KAT2B: variants seen among roughly 807,000 people sequenced by gnomAD.
KAT2B encodes the protein histone acetyltransferase KAT2B.
A neutral mutation model predicts 105.9 loss-of-function variants in KAT2B; 36 were observed. The ratio of observed to expected loss-of-function variants is 0.34; its 90% CI spans 0.26 to 0.45. The LOEUF is 0.45. Among genes scored for constraint, KAT2B ranks in the 20% least tolerant of loss-of-function variants. KAT2B has a pLI of 1.00. For synonymous variants in KAT2B, 397 were observed against 377.9 expected, an observed-to-expected ratio of 1.05 and a Z score of -0.59; for missense variants, 820 against 1,021.6, an observed-to-expected ratio of 0.80 and a Z score of 2.69.
chr3:20,122,766 T>C lies in KAT2B; in HGVS notation c.1375T>C (p.Ser459Pro), dbSNP rs575172601. ...GATGGAATTAATCAACGAGGTTATG[T>C]CTACCATCACGGACCCTGCAGCAAT... The part of the protein sequence containing the change: ...IPMELINEVM[S>P]TITDPAAMLG... The change falls in exon 9 of 18, where the codon TCT becomes CCT. Residue 459 changes from serine to proline, a missense_variant. This residue lies in a region of KAT2B where 225 missense variants were observed against 268.1 expected (regional missense o/e 0.84). Transcript: ENST00000263754. 2.5e-6 allele frequency: 4 copies of C among 1,614,152 alleles called. No individual in the cohort carries two copies. The South Asian group carries it at 4.4e-5, about 18-fold the overall frequency.
At chr3:20,105,800 G>C (rs1486687594) in intron 5 of KAT2B, among the ~76,000 whole-genome samples, 1 of 94,442 alleles carries the variant, frequency 1.1e-5, no homozygotes, top group African/African-American at 4.2e-5. Flanking sequence ...GACCCTGTCT[G>C]AAAAAAAAAA....
chr3:20,070,092 C>G (rs1401919486), intron 1 of KAT2B, among the ~76,000 whole-genome samples: 1 of 152,046 alleles, frequency 6.6e-6, no homozygotes, highest in Non-Finnish European at 1.5e-5. Context: ...GTCACTTGAG[C>G]TACTCACTGG....
At chr3:20,138,495 G>A (rs1308364363) in intron 12 of KAT2B, among the ~76,000 whole-genome samples, 1 of 152,010 alleles carries the variant, frequency 6.6e-6, no homozygotes, top group Non-Finnish European at 1.5e-5. Flanking sequence ...AATAAATCAA[G>A]GTTTTTGTAA....
intron 11 of KAT2B, among the ~76,000 whole-genome samples, chr3:20,127,944 C>T (rs1003872536): frequency 1.3e-5 from 2 of 152,188 alleles, no homozygotes; most frequent in African/African-American, 2.4e-5. Flanking sequence ...CGGTAATGCT[C>T]ACTTGCCTGC....
At chr3:20,049,595 A>G (rs1300188104) in intron 1 of KAT2B, among the ~76,000 whole-genome samples, 1 of 150,946 alleles carries the variant, frequency 6.6e-6, no homozygotes, top group Non-Finnish European at 1.5e-5. Context: ...TGGTTTCTTG[A>G]GAGGATTACA....
intron 13 of KAT2B, among the ~76,000 whole-genome samples, chr3:20,145,346 C>G (rs1331828398): frequency 6.6e-6 from 1 of 152,106 alleles, no homozygotes; most frequent in Non-Finnish European, 1.5e-5. Flanking sequence ...TATACTTTTA[C>G]TAGTCCCATT....
intron 3 of KAT2B, among the ~76,000 whole-genome samples, chr3:20,096,425 A>G (rs1698812378): frequency 1.3e-5 from 2 of 152,136 alleles, no homozygotes; most frequent in African/African-American, 4.8e-5. Context: ...CAGGTTGCCA[A>G]AAATAGATCT....
chr3:20,130,732 C>G (rs191657177), intron 11 of KAT2B, among the ~76,000 whole-genome samples: 1 of 152,278 alleles, frequency 6.6e-6, no homozygotes, highest in Admixed American at 6.5e-5. Flanking sequence ...GGCCAAGCAT[C>G]ACAAACTCAG....
intron 11 of KAT2B, among the ~76,000 whole-genome samples, chr3:20,129,797 C>G (rs978379193): frequency 2.0e-5 from 3 of 152,112 alleles, no homozygotes; most frequent in Non-Finnish European, 4.4e-5. Flanking sequence ...TTGGACAGTG[C>G]TGGTCTAAGT....
intron 8 of KAT2B, among the ~76,000 whole-genome samples, chr3:20,121,732 ATGTGTGTG>A (rs3840188): frequency 0.07 from 7,674 of 109,626 alleles, 237 homozygotes; most frequent in South Asian, 0.14. Flanking sequence ...ACATATGCAT[ATGTGTGTG>A]TGTGTGTGTG....
chr3:20,069,876 A>G (rs1448106564), intron 1 of KAT2B, among the ~76,000 whole-genome samples: 2 of 152,122 alleles, frequency 1.3e-5, no homozygotes, highest in Non-Finnish European at 2.9e-5. Flanking sequence ...CCAAAGTTGT[A>G]TATTTCGGTT....
At position 20,101,305 on chromosome 3, in the gene KAT2B, C is replaced by A; in HGVS notation, c.688C>A (p.Gln230Lys). ...TTTTAAGGGTGTGAATAACTTTGTG[C>A]AGTACAAATTTAGTCACCTGCCAGC... Reference protein sequence around the residue: ...SIEQGVNNFVQYKFSHLPAKE... With the variant: ...SIEQGVNNFVKYKFSHLPAKE... The change falls in exon 5 of 18, where the codon CAG (glutamine) becomes AAG (lysine). Residue 230 changes from glutamine (Q) to lysine (K), a missense_variant. This residue lies in a region of KAT2B where 173 missense variants were observed against 249.5 expected (regional missense o/e 0.69). Transcript: ENST00000263754. 1 of 1,613,874 alleles carries A rather than the reference C, an allele frequency of 6.2e-7. No individual in the cohort carries two copies. The highest frequency in any genetic ancestry group is 2.2e-5 in the East Asian group (1 of 44,860).
chr3:20,061,372 T>A (rs1405412206), intron 1 of KAT2B, among the ~76,000 whole-genome samples: 30 of 152,228 alleles, frequency 2.0e-4, no homozygotes, highest in Admixed American at 2.0e-3. Context: ...TATTTATTCA[T>A]CTCTTAAGGG....
chr3:20,120,315 C>T (rs1006251118), intron 8 of KAT2B, among the ~76,000 whole-genome samples: 1 of 152,040 alleles, frequency 6.6e-6, no homozygotes, highest in African/African-American at 2.4e-5. Flanking sequence ...GCAACCTCTG[C>T]CTCCTGGGTT....
intron 3 of KAT2B, 35 bp from the exon 4 acceptor site, chr3:20,099,827 T>G: frequency 8.4e-7 from 1 of 1,196,656 alleles, no homozygotes; most frequent in Non-Finnish European, 1.2e-6. Flanking sequence ...CCAATTAAGT[T>G]TTTCTTTTTC....
chr3:20,084,296 T>C (rs7623123), intron 2 of KAT2B, among the ~76,000 whole-genome samples: 17,585 of 152,102 alleles, frequency 0.12, 1,183 homozygotes, highest in East Asian at 0.24. Flanking sequence ...CTCCACCTCA[T>C]TGTTTATTCT....
At chr3:20,064,157 C>G (rs1339545849) in intron 1 of KAT2B, among the ~76,000 whole-genome samples, 2 of 152,186 alleles carry the variant, frequency 1.3e-5, no homozygotes, top group African/African-American at 2.4e-5. Context: ...CAATTTTTCA[C>G]ATGCCTGATA....
intron 1 of KAT2B, among the ~76,000 whole-genome samples, chr3:20,050,472 C>T (rs188494112): frequency 6.6e-6 from 1 of 152,244 alleles, no homozygotes; most frequent in Non-Finnish European, 1.5e-5. Context: ...ATTCTGACTT[C>T]TATTACCAGA....
chr3:20,064,180 C>T (rs986522591), intron 1 of KAT2B, among the ~76,000 whole-genome samples: 2 of 152,076 alleles, frequency 1.3e-5, no homozygotes, highest in Non-Finnish European at 1.5e-5. Flanking sequence ...TTGTTATTGT[C>T]AGCTCCTTTT....
Sources: gnomAD v4.1 joint callset for allele counts (sites outside exome capture counted in the v4.1 genomes callset) on GRCh38, gnomAD v4.1.1 for gene constraint, gnomAD v4.1.1 regional missense constraint, MANE v1.5 for transcripts, NCBI Gene and HGNC (gene_info 2026-07-23, HGNC 2026-07-21) for gene names.